PIP5K1B: variants seen among roughly 807,000 people sequenced by gnomAD.
The protein encoded by PIP5K1B is phosphatidylinositol-4-phosphate 5-kinase type 1 beta.
In PIP5K1B, 42 loss-of-function variants were observed where a neutral mutation model predicts 67.0. The observed-to-expected ratio is 0.63, with a 90% confidence interval of 0.49 to 0.81. The LOEUF is 0.81. PIP5K1B is among the 30% of genes least tolerant of loss of function. The pLI, the probability that PIP5K1B is intolerant of heterozygous loss-of-function variation, is 0.00. For missense variants in PIP5K1B, 459 were observed against 646.3 expected, an observed-to-expected ratio of 0.71 and a Z score of 3.14; for synonymous variants, 214 against 231.4, an observed-to-expected ratio of 0.92 and a Z score of 0.68.
chr9:68,855,188 TCTCTTTTCTTGGTTTCAGTGAAGC>T (rs1428910671), intron 4 of PIP5K1B, among the ~76,000 whole-genome samples: 4 of 152,158 alleles, frequency 2.6e-5, no homozygotes, highest in African/African-American at 9.7e-5. Context: ...TTCTTCAAAC[TCTCTTTTCTTGGTTTCAGTGAAGC>T]CATATTTCCC....
In PIP5K1B at chr9:68,912,348, CAGAG is replaced by C. The variant is rs575216038; in HGVS notation, c.772-5197_772-5194del. ...TGTAAGTACTAGAAAGTAGAAAAAACAGAGAGCTTTGGGTGAACATCTTTAGGGC... is the reference window on the plus strand; with the variant it reads ...TGTAAGTACTAGAAAGTAGAAAAAACAGCTTTGGGTGAACATCTTTAGGGC... On this transcript the variant is annotated intron_variant, in intron 8 of 15. Transcript: ENST00000265382. Among the ~76,000 whole-genome samples the C allele has an allele frequency of 5.3e-3, 813 of 152,082 alleles. 5 individuals carry two copies. Among genetic ancestry groups the C allele is most frequent in the African/African-American group, 0.018 (748 of 41,458 alleles).
intron 2 of PIP5K1B, among the ~76,000 whole-genome samples, chr9:68,767,593 TAAAA>T (rs36028796): frequency 9.6e-4 from 123 of 128,382 alleles, no homozygotes; most frequent in Middle Eastern, 3.9e-3. Flanking sequence ...GACTCTGTCT[TAAAA>T]AAAAAAAAAA....
At chr9:68,773,911 G>A (rs1475295285) in intron 2 of PIP5K1B, among the ~76,000 whole-genome samples, 1 of 152,136 alleles carries the variant, frequency 6.6e-6, no homozygotes, top group Non-Finnish European at 1.5e-5. Flanking sequence ...AACCAAGTAA[G>A]TTCTTGGTGG....
intron 2 of PIP5K1B, among the ~76,000 whole-genome samples, chr9:68,810,847 C>A (rs1833124394): frequency 6.6e-6 from 1 of 152,142 alleles, no homozygotes; most frequent in South Asian, 2.1e-4. Context: ...ATATAATTGG[C>A]TAACCTTTTG....
At chr9:68,730,835 G>A (rs1828390045) in intron 1 of PIP5K1B, among the ~76,000 whole-genome samples, 1 of 152,126 alleles carries the variant, frequency 6.6e-6, no homozygotes, top group South Asian at 2.1e-4. Flanking sequence ...AATCGACTAG[G>A]TTGGAAACAA....
intron 2 of PIP5K1B, among the ~76,000 whole-genome samples, chr9:68,764,410 ATTAGAT>A (rs1356495375): frequency 6.6e-6 from 1 of 152,076 alleles, no homozygotes; most frequent in East Asian, 1.9e-4. Context: ...CATCTCTAAC[ATTAGAT>A]TTTGAGATCC....
chr9:68,822,454 T>C (rs576604385), intron 3 of PIP5K1B, 161 bp from the exon 4 acceptor site: 1 of 522,780 alleles, frequency 1.9e-6, no homozygotes, highest in Admixed American at 3.7e-5. Context: ...GCAGATTTCT[T>C]TTTTAGTATT....
intron 14 of PIP5K1B, among the ~76,000 whole-genome samples, chr9:68,952,818 C>T (rs954421609): frequency 6.6e-6 from 1 of 151,668 alleles, no homozygotes; most frequent in Admixed American, 6.6e-5. Context: ...TGCCTGCCTG[C>T]CTGCCTGCCT....
chr9:68,867,497 A>G (rs1823417751), intron 5 of PIP5K1B, among the ~76,000 whole-genome samples: 1 of 152,244 alleles, frequency 6.6e-6, no homozygotes, highest in South Asian at 2.1e-4. Context: ...GCTTTGTTGG[A>G]TAAGACAACT....
intron 15 of PIP5K1B, among the ~76,000 whole-genome samples, chr9:68,993,666 G>A (rs1830477278): frequency 6.6e-6 from 1 of 152,122 alleles, no homozygotes; most frequent in Admixed American, 6.5e-5. Flanking sequence ...TACATTTTTG[G>A]TCCCATGTTG....
intron 1 of PIP5K1B, among the ~76,000 whole-genome samples, chr9:68,735,959 C>T (rs7026347): frequency 0.73 from 111,227 of 152,086 alleles, 41,770 homozygotes; most frequent in African/African-American, 0.91. Flanking sequence ...ACTCCAGGAA[C>T]AGCAGGTTGG....
chr9:68,778,227 T>C (rs1831021512), intron 2 of PIP5K1B, among the ~76,000 whole-genome samples: 1 of 152,238 alleles, frequency 6.6e-6, no homozygotes, highest in Admixed American at 6.5e-5. Context: ...TTTTGCAATT[T>C]TTGAACCTCA....
chr9:68,890,077 C>T (rs1202837293), intron 7 of PIP5K1B, among the ~76,000 whole-genome samples: 2 of 152,154 alleles, frequency 1.3e-5, no homozygotes, highest in African/African-American at 2.4e-5. Flanking sequence ...GCTGGGGCTA[C>T]GCAAGCAAAA....
At chr9:68,763,580 G>T (rs1587406269) in intron 2 of PIP5K1B, among the ~76,000 whole-genome samples, 1 of 152,036 alleles carries the variant, frequency 6.6e-6, no homozygotes, top group Non-Finnish European at 1.5e-5. Context: ...AATACTGTTG[G>T]CTGGGGAAAT....
At chr9:68,767,861 G>C (rs1158795118) in intron 2 of PIP5K1B, among the ~76,000 whole-genome samples, 3 of 151,942 alleles carry the variant, frequency 2.0e-5, no homozygotes, top group Non-Finnish European at 4.4e-5. Context: ...TTCTTTAAAA[G>C]GGTGAATTTT....
At chr9:68,949,719 G>A (rs886423386) in intron 14 of PIP5K1B, among the ~76,000 whole-genome samples, 4 of 152,220 alleles carry the variant, frequency 2.6e-5, no homozygotes, top group Non-Finnish European at 5.9e-5. Context: ...TGAACAATAT[G>A]TGAATCGGGC....
chr9:68,752,600 A>C (rs1301253955), intron 2 of PIP5K1B, among the ~76,000 whole-genome samples: 2 of 151,532 alleles, frequency 1.3e-5, no homozygotes, highest in African/African-American at 4.9e-5. Flanking sequence ...AAACCTGATA[A>C]TGCAGAAAAA....
rs1313791903 is a variant in PIP5K1B at position 68,705,351 on chromosome 9, C to T, written c.-654C>T. On this transcript the variant is annotated 5_prime_UTR_variant, in exon 1 of 16. Transcript: ENST00000265382. ...CCCCGGTTCCCGGTCCCCGAACGCG[C>T]CGCGGCGAGGCTGCGCCCGGCAGTG... 1 of 151,350 alleles carries T rather than the reference C, an allele frequency of 6.6e-6. No homozygotes were observed. Among genetic ancestry groups the T allele is most frequent in the African/African-American group, 2.4e-5 (1 of 41,382 alleles). 9.4% of individuals were successfully genotyped at this position (151,350 alleles called of 1,614,324 possible). A position where few individuals can be genotyped will look rare whatever the true frequency, so the allele number is the denominator to read the frequency against.
chr9:68,790,742 G>A (rs1831918364), intron 2 of PIP5K1B, among the ~76,000 whole-genome samples: 1 of 152,098 alleles, frequency 6.6e-6, no homozygotes, highest in Admixed American at 6.5e-5. Context: ...CTTGGGCTTT[G>A]TAAATGATAC....
Sources: allele counts gnomAD v4.1 joint callset (sites outside exome capture counted in the v4.1 genomes callset), GRCh38; gene constraint gnomAD v4.1.1; transcripts MANE v1.5; gene names NCBI Gene and HGNC (gene_info 2026-07-23, HGNC 2026-07-21).